TSBP1: variants seen among roughly 807,000 people sequenced by gnomAD.
The protein encoded by TSBP1 is testis-expressed basic protein 1.
In TSBP1, 56 loss-of-function variants were observed where a neutral mutation model predicts 68.8. The ratio of observed to expected loss-of-function variants is 0.81; its 90% CI spans 0.66 to 1.02. The LOEUF (loss-of-function observed/expected upper bound fraction) is 1.02, where lower values mean the gene tolerates loss of function less well. Among genes scored for constraint, TSBP1 ranks in the 50% least tolerant of loss-of-function variants. The probability of loss-of-function intolerance (pLI) is 0.00; values close to 1 mark genes in which losing one functional copy is unlikely to be tolerated. For synonymous variants in TSBP1, 171 were observed against 208.7 expected (o/e 0.82, Z 1.56); for missense variants, 502 against 641.2 (o/e 0.78, Z 2.34).
Position 32,316,306 on chromosome 6 carries a change from G to A in TSBP1, c.560-514C>T. ...CATGTAGGGTAATAAGGAAGCAAGG[G>A]AATAATGGGAACCACAAATCACTTT... is the stretch of plus-strand genomic sequence containing the variant. On this transcript the variant is annotated intron_variant, in intron 18 of 22. Transcript: ENST00000612031. This position sits in a 1 kb window ranked among gnomAD's most constrained non-coding sequence, Gnocchi z 4.5. 9.4e-7 allele frequency: 1 copy of A among 1,060,450 alleles called. No individual in the cohort carries two copies. The highest frequency in any genetic ancestry group is 1.4e-6 in the Non-Finnish European group (1 of 712,502). The allele number at this position is 1,060,450 out of a possible 1,614,324, so 65.7% of individuals were successfully genotyped here.
At position 32,361,359 on chromosome 6, in the gene TSBP1, T is replaced by C. The variant is rs1486203844; in HGVS notation, c.217+4808A>G. Among the ~76,000 whole-genome samples, 1 of 148,534 alleles carries C rather than the reference T, an allele frequency of 6.7e-6. No homozygotes were observed. On this transcript the variant is annotated intron_variant, in intron 6 of 22. Coordinates refer to ENST00000612031, the Ensembl canonical transcript of TSBP1. This position sits in a 1 kb window ranked among gnomAD's most constrained non-coding sequence, Gnocchi z 4.3. ...AAACACACGTGTGCATGTGTCTTTA[T>C]AGTAGCATGATTTATAATCCTTTGG...
intron 9 of TSBP1, among the ~76,000 whole-genome samples, chr6:32,345,211 C>A (rs1440137098): frequency 2.0e-5 from 3 of 149,342 alleles, no homozygotes; most frequent in Admixed American, 6.7e-5. Flanking sequence ...AGGTGGAGGA[C>A]CTTAGTCTTG....
At chr6:32,342,170 T>C (rs545667740) in intron 9 of TSBP1, among the ~76,000 whole-genome samples, 1 of 116,798 alleles carries the variant, frequency 8.6e-6, no homozygotes, top group African/African-American at 3.7e-5. Flanking sequence ...TTCTCTGTTC[T>C]TTTTTTTTTT....
intron 8 of TSBP1, among the ~76,000 whole-genome samples, chr6:32,353,638 T>C (rs1319434573): frequency 8.8e-6 from 1 of 113,252 alleles, no homozygotes; most frequent in Non-Finnish European, 2.2e-5. Context: ...AATGTGCTAT[T>C]TTTTGTAATA....
In TSBP1 at chr6:32,333,373, G is replaced by A. The variant is rs1769283660; in HGVS notation, c.473-1319C>T. Among the ~76,000 whole-genome samples the A allele has an allele frequency of 6.6e-6, 1 of 152,188 alleles. No individual in the cohort carries two copies. The highest frequency in any genetic ancestry group is 6.5e-5 in the Admixed American group (1 of 15,282). Reference sequence around the variant, plus strand: ...ATGTTAGACTGCATCTGAACTGGGAGAATTGTAAATATGTATTAAGAAGCC... The same window carrying A: ...ATGTTAGACTGCATCTGAACTGGGAAAATTGTAAATATGTATTAAGAAGCC... On this transcript the variant is annotated intron_variant, in intron 14 of 22. Coordinates refer to ENST00000612031, the Ensembl canonical transcript of TSBP1. This position sits in a 1 kb window ranked among gnomAD's most constrained non-coding sequence, Gnocchi z 4.2.
intron 3 of TSBP1, 68 bp from the exon 4 acceptor site, chr6:32,368,025 G>C: frequency 1.6e-6 from 2 of 1,243,602 alleles, no homozygotes; most frequent in Non-Finnish European, 1.2e-6. Flanking sequence ...TTAAGACTCT[G>C]AGAACTAATG....
chr6:32,349,268 C>G (rs980576371), intron 9 of TSBP1, among the ~76,000 whole-genome samples: 6 of 150,810 alleles, frequency 4.0e-5, no homozygotes, highest in Non-Finnish European at 7.4e-5. Context: ...GAGCACCAAA[C>G]CCTTAGTGTC....
chr6:32,319,497 A>G (rs189187719), intron 18 of TSBP1, among the ~76,000 whole-genome samples: 21 of 152,290 alleles, frequency 1.4e-4, no homozygotes, highest in Admixed American at 1.3e-3. Context: ...CATGACACCT[A>G]GAATGAAATC....
chr6:32,311,205 T>C (rs1766370649), intron 19 of TSBP1, among the ~76,000 whole-genome samples: 1 of 152,208 alleles, frequency 6.6e-6, no homozygotes, highest in South Asian at 2.1e-4. Context: ...CCTTCATTTT[T>C]ACATATACCT....
rs115720469 is a variant in TSBP1 at position 32,314,969 on chromosome 6, C to T, written c.580+803G>A. Among the ~76,000 whole-genome samples the T allele has an allele frequency of 6.4e-3, 977 of 152,308 alleles. 12 individuals carry two copies. Among genetic ancestry groups the T allele is most frequent in the African/African-American group, 0.022 (929 of 41,554 alleles). On this transcript the variant is annotated intron_variant, in intron 19 of 22. Transcript: ENST00000612031. The surrounding 1 kb of genome is among the most constrained non-coding windows in gnomAD (Gnocchi z 4.2). ...AGTTCCCAGGAGACTCACCTCAACT[C>T]GCTCATTTACTGACCTGCCTGGGCT...
rs2127580801 is a variant in TSBP1, at chr6:32,315,768, T to G, written c.580+4A>C. 1 of 1,509,748 alleles carries G rather than the reference T, an allele frequency of 6.6e-7. No homozygotes were observed. Among genetic ancestry groups the G allele is most frequent in the Non-Finnish European group, 8.9e-7 (1 of 1,123,470 alleles). 93.5% of individuals were successfully genotyped at this position (1,509,748 alleles called of 1,614,324 possible). A position where few individuals can be genotyped will look rare whatever the true frequency, so the allele number is the denominator to read the frequency against. ...TATGACCAGCTGAGAAATAAAGAAC[T>G]TACTTGCAGTTCTCTGCGAAATTAC... On this transcript the variant is annotated splice_donor_region_variant and intron_variant, in intron 19 of 22. Coordinates refer to ENST00000612031, the Ensembl canonical transcript of TSBP1. This position sits in a 1 kb window ranked among gnomAD's most constrained non-coding sequence, Gnocchi z 5.4.
At chr6:32,305,430 C>T (rs1056032794) in intron 19 of TSBP1, among the ~76,000 whole-genome samples, 1 of 152,170 alleles carries the variant, frequency 6.6e-6, no homozygotes, top group Admixed American at 6.5e-5. Flanking sequence ...CACACTTACA[C>T]GTAGACATAT....
chr6:32,325,583 A>C lies in TSBP1; in HGVS notation c.515-1969T>G. On this transcript the variant is annotated intron_variant, in intron 16 of 22. Transcript: ENST00000612031. The surrounding 1 kb of genome is among the most constrained non-coding windows in gnomAD (Gnocchi z 4.4). ...AAGACACTGAAGAAATCACCTAAGA[A>C]ATTATTTTGAGTAGTATGGAAAAAT... 2 of 904,382 alleles carry C rather than the reference A, an allele frequency of 2.2e-6. No individual in the cohort carries two copies. 56.0% of individuals were successfully genotyped at this position (904,382 alleles called of 1,614,324 possible). A position where few individuals can be genotyped will look rare whatever the true frequency, so the allele number is the denominator to read the frequency against.
At chr6:32,300,517 AATAG>A (rs1364621507) in intron 21 of TSBP1, among the ~76,000 whole-genome samples, 159 bp downstream of exon 24, 1 of 152,252 alleles carries the variant, frequency 6.6e-6, no homozygotes, top group Non-Finnish European at 1.5e-5. Flanking sequence ...ACAAAAGGAA[AATAG>A]ATAAGAAGAA....
At chr6:32,327,685 G>A (rs1583056103) in intron 16 of TSBP1, among the ~76,000 whole-genome samples, 1 of 78,860 alleles carries the variant, frequency 1.3e-5, no homozygotes, top group African/African-American at 3.3e-5. Flanking sequence ...ACAGAGTCTT[G>A]CTCTGTTGCC....
rs937588534 is a variant in TSBP1, at chr6:32,361,489, C to T, written c.217+4678G>A. On this transcript the variant is annotated intron_variant, in intron 6 of 22. Coordinates refer to ENST00000612031, the Ensembl canonical transcript of TSBP1. The surrounding 1 kb of genome is among the most constrained non-coding windows in gnomAD (Gnocchi z 4.3). Reference sequence around the variant, plus strand: ...CACAATGGTTGAACTAGTTTACACTCCCACCAACATTGTAAAAACATTCCT... The same window carrying T: ...CACAATGGTTGAACTAGTTTACACTTCCACCAACATTGTAAAAACATTCCT... Among the ~76,000 whole-genome samples, 2 of 152,184 alleles carry T rather than the reference C, an allele frequency of 1.3e-5. No homozygotes were observed. The highest frequency in any genetic ancestry group is 2.4e-5 in the African/African-American group (1 of 41,436).
intron 16 of TSBP1, chr6:32,324,804 C>A: frequency 7.5e-7 from 1 of 1,327,996 alleles, no homozygotes; most frequent in Admixed American, 2.5e-5. Flanking sequence ...TAATCAAAGG[C>A]ACTAGAAATT....
chr6:32,350,270 C>A, intron 8 of TSBP1: 1 of 430,956 alleles, frequency 2.3e-6, no homozygotes, highest in Non-Finnish European at 4.6e-6. Flanking sequence ...TGAAGAATAG[C>A]AAGAGACCAA....
intron 16 of TSBP1, among the ~76,000 whole-genome samples, chr6:32,327,279 C>A (rs994107813): frequency 6.6e-6 from 1 of 152,198 alleles, no homozygotes; most frequent in Non-Finnish European, 1.5e-5. Context: ...AGACATGGAA[C>A]TTAACCAGTC....
Sources: allele counts gnomAD v4.1 joint callset (sites outside exome capture counted in the v4.1 genomes callset), GRCh38; gene constraint gnomAD v4.1.1; non-coding constraint Gnocchi (gnomAD v3.1); transcripts MANE v1.5; gene names NCBI Gene and HGNC (gene_info 2026-07-23, HGNC 2026-07-21).